The following ATP10D variants were observed in gnomAD, a reference collection of about 807,000 sequenced individuals.
ATP10D encodes the protein phospholipid-transporting ATPase VD.
A neutral mutation model predicts 144.8 loss-of-function variants in ATP10D; 89 were observed. The observed-to-expected ratio is 0.61, with a 90% CI of 0.52 to 0.73. The LOEUF (loss-of-function observed/expected upper bound fraction) is 0.73. Ranked by LOEUF, ATP10D falls within the 30% of genes least tolerant of loss-of-function variation. The pLI is 0.00. For missense variants in ATP10D, 1,603 were observed against 1,714.8 expected, an observed-to-expected ratio of 0.93 and a Z score of 1.15; for synonymous variants, 571 against 615.1, an observed-to-expected ratio of 0.93 and a Z score of 1.06.
intron 1 of ATP10D, among the ~76,000 whole-genome samples, chr4:47,509,943 GGTGTGT>G (rs67386792): frequency 0.3 from 43,202 of 143,414 alleles, 6,488 homozygotes; most frequent in Admixed American, 0.36. Flanking sequence ...TTGTTTCAGG[GGTGTGT>G]GTGTGTGTGT....
At chr4:47,590,879 T>G (rs865863435) in intron 22 of ATP10D, among the ~76,000 whole-genome samples, 163 bp from the exon 23 acceptor site, 3 of 152,128 alleles carry the variant, frequency 2.0e-5, no homozygotes, top group Non-Finnish European at 4.4e-5. Flanking sequence ...TAATATTGTT[T>G]TATCTCCATT....
intron 3 of ATP10D, among the ~76,000 whole-genome samples, chr4:47,521,587 AACAGAAGTATGGTC>A (rs962598171): frequency 6.6e-6 from 1 of 152,318 alleles, no homozygotes; most frequent in African/African-American, 2.4e-5. Flanking sequence ...GGAGTTGGCA[AACAGAAGTATGGTC>A]ACATCCTTCT....
At chr4:47,508,551 G>A (rs1295712603) in intron 1 of ATP10D, among the ~76,000 whole-genome samples, 1 of 152,226 alleles carries the variant, frequency 6.6e-6, no homozygotes, top group African/African-American at 2.4e-5. Context: ...GACTTACAGA[G>A]TAGAAGAAAT....
At chr4:47,586,489 A>G (rs1272035743) in intron 21 of ATP10D, among the ~76,000 whole-genome samples, 4 of 152,210 alleles carry the variant, frequency 2.6e-5, no homozygotes, top group African/African-American at 7.2e-5. Context: ...AAAGTTTTAC[A>G]TACCCCTTGT....
chr4:47,566,884 A>G (rs1719665553), intron 15 of ATP10D, among the ~76,000 whole-genome samples: 1 of 152,214 alleles, frequency 6.6e-6, no homozygotes, highest in Non-Finnish European at 1.5e-5. Context: ...TTATACCCAA[A>G]CAAAGCTTAT....
At chr4:47,507,195 A>G (rs1716060848) in intron 1 of ATP10D, among the ~76,000 whole-genome samples, 1 of 152,212 alleles carries the variant, frequency 6.6e-6, no homozygotes. Flanking sequence ...TTATAGAGAG[A>G]ACACTTTGTA....
chr4:47,515,027 C>T (rs1199034031), intron 2 of ATP10D, among the ~76,000 whole-genome samples: 6 of 151,922 alleles, frequency 3.9e-5, no homozygotes, highest in Non-Finnish European at 4.4e-5. Context: ...GTAGTGTGAT[C>T]CCGGCTCACT....
chr4:47,512,826 C>G lies in ATP10D; in HGVS notation c.286C>G (p.His96Asp), dbSNP rs746082899. The change falls in exon 2 of 23, where the codon CAC becomes GAC. Residue 96 changes from histidine (H) to aspartate (D), a missense_variant. Coordinates refer to ENST00000273859, the MANE Select transcript of ATP10D (RefSeq NM_020453.4). The part of the protein sequence containing the change: ...FVPRNLFEQF[H>D]RAANLYFLFL... ...GCCAAGAAATTTATTTGAACAATTT[C>G]ACAGGTACTGTTTTATTTTTGAAGA... 1.9e-6 allele frequency: 3 copies of G among 1,598,828 alleles called. No homozygotes were observed. The highest frequency in any genetic ancestry group is 2.6e-6 in the Non-Finnish European group (3 of 1,168,406).
At chr4:47,503,912 AT>A (rs763429510) in intron 1 of ATP10D, among the ~76,000 whole-genome samples, 14 of 150,846 alleles carry the variant, frequency 9.3e-5, no homozygotes, top group Non-Finnish European at 1.8e-4. Context: ...AAAATAATAA[AT>A]AAAAAATAAA....
intron 1 of ATP10D, among the ~76,000 whole-genome samples, chr4:47,502,756 T>A (rs1360500894): frequency 6.6e-6 from 1 of 151,054 alleles, no homozygotes; most frequent in East Asian, 1.9e-4. Context: ...CTGAAGAAAT[T>A]CTTACTGAGT....
chr4:47,512,467 G>A, intron 1 of ATP10D, 37 bp from the exon 2 acceptor site: 5 of 1,350,726 alleles, frequency 3.7e-6, no homozygotes, highest in Middle Eastern at 4.0e-4. Flanking sequence ...AGACGTTTCA[G>A]AAGCTCATGG....
intron 10 of ATP10D, among the ~76,000 whole-genome samples, chr4:47,551,655 G>A (rs78910780): frequency 0.026 from 3,938 of 152,230 alleles, 165 homozygotes; most frequent in African/African-American, 0.091. Flanking sequence ...TACTTTAATG[G>A]GCCTTCCAGA....
rs1195444237 is a variant in ATP10D, at chr4:47,554,895, C to T, written c.1805C>T (p.Pro602Leu). 1 of 1,613,784 alleles carries T rather than the reference C, an allele frequency of 6.2e-7. No individual in the cohort carries two copies. The highest frequency in any genetic ancestry group is 1.7e-4 in the Middle Eastern group (1 of 6,060). Residue 602 changes from proline (P) to leucine (L), a missense_variant, in exon 11 of 23, where the codon CCT becomes CTT. Transcript: ENST00000273859. ...AICNTVVVSA[P>L]NQPRQKIRHP... ...TGCAACACAGTAGTGGTTTCTGCTC[C>T]TAACCAACCCCGACAAAAGGTGAGT...
In ATP10D at chr4:47,569,911, C is replaced by T. The variant is rs867625389; in HGVS notation, c.3163+765C>T. On this transcript the variant is annotated intron_variant, in intron 16 of 22. Coordinates refer to ENST00000273859, the MANE Select transcript of ATP10D (RefSeq NM_020453.4). The stretch of plus-strand genomic sequence containing the variant: ...ATGAGGGGAACCGTGTTTGGTGTGT[C>T]GGAGGACAAAGCCGATTAAGCAAAG... 1.1e-4 allele frequency among the ~76,000 whole-genome samples: 17 copies of T among 151,986 alleles called. No homozygotes were observed. The Middle Eastern group carries it at 0.01, about 91-fold the overall frequency.
intron 15 of ATP10D, among the ~76,000 whole-genome samples, chr4:47,566,547 A>G (rs6853815): frequency 0.2 from 30,679 of 152,060 alleles, 3,635 homozygotes; most frequent in East Asian, 0.5. Context: ...TGAGACTCCA[A>G]ATGCTTGTGA....
intron 19 of ATP10D, among the ~76,000 whole-genome samples, chr4:47,578,981 T>C (rs1485671418): frequency 6.6e-6 from 1 of 152,266 alleles, no homozygotes; most frequent in Non-Finnish European, 1.5e-5. Flanking sequence ...TTTCAGCCTC[T>C]GCATTTGGAA....
intron 1 of ATP10D, among the ~76,000 whole-genome samples, chr4:47,504,103 A>T (rs1359363577): frequency 6.6e-6 from 1 of 152,124 alleles, no homozygotes; most frequent in Non-Finnish European, 1.5e-5. Flanking sequence ...TTATTCAGCA[A>T]ATCTGATTCA....
chr4:47,509,943 G>GT (rs1716223822), intron 1 of ATP10D, among the ~76,000 whole-genome samples: 1 of 143,716 alleles, frequency 7.0e-6, no homozygotes, highest in Non-Finnish European at 1.5e-5. Context: ...TTGTTTCAGG[G>GT]GTGTGTGTGT....
intron 1 of ATP10D, among the ~76,000 whole-genome samples, chr4:47,490,707 A>C (rs1715023831): frequency 6.6e-6 from 1 of 152,220 alleles, no homozygotes; most frequent in African/African-American, 2.4e-5. Flanking sequence ...GAAGAACACG[A>C]GAGTGTGGCT....
Sources: gnomAD v4.1 joint callset for allele counts (sites outside exome capture counted in the v4.1 genomes callset) on GRCh38, gnomAD v4.1.1 for gene constraint, MANE v1.5 for transcripts, NCBI Gene and HGNC (gene_info 2026-07-23, HGNC 2026-07-21) for gene names.